The following RPS6KB1 variants were observed in gnomAD, a reference collection of about 807,000 sequenced individuals.
The protein encoded by RPS6KB1 is ribosomal protein S6 kinase B1.
In RPS6KB1, 12 loss-of-function variants were observed where a neutral mutation model predicts 70.2. That is an observed-to-expected ratio of 0.17 (90% CI 0.11 to 0.28). The LOEUF (loss-of-function observed/expected upper bound fraction) is 0.28. RPS6KB1 is among the 10% of genes least tolerant of loss of function. The pLI is 1.00. For synonymous variants in RPS6KB1, 175 were observed against 211.2 expected (o/e 0.83, Z 1.49); for missense variants, 270 against 646.6 (o/e 0.42, Z 6.32).
At chr17:59,900,122 A>G (rs1331939083) in intron 1 of RPS6KB1, among the ~76,000 whole-genome samples, 1 of 149,232 alleles carries the variant, frequency 6.7e-6, no homozygotes. Context: ...GCAATGAGCT[A>G]TTATCCTACT....
chr17:59,912,688 A>T lies in RPS6KB1; in HGVS notation c.196A>T (p.Met66Leu). 3.7e-6 allele frequency: 6 copies of T among 1,613,130 alleles called. No homozygotes were observed. The highest frequency in any genetic ancestry group is 4.2e-6 in the Non-Finnish European group (5 of 1,179,364). ...HGGVGPYELG[M>L]EHCEKFEISE... ...TGGTTTTGCTTTTCTTCCCAGTGGC[A>T]TGGAACATTGTGAGAAATTTGAAAT... The change falls in exon 3 of 15, where the codon ATG becomes TTG. Residue 66 changes from methionine (M) to leucine (L), a missense_variant. By Grantham distance (15) the Met-to-Leu change is conservative (BLOSUM62 2). Transcript: ENST00000225577.
intron 10 of RPS6KB1, 146 bp downstream of exon 10, chr17:59,935,446 G>T: frequency 8.0e-6 from 4 of 498,848 alleles, no homozygotes; most frequent in Admixed American, 3.9e-5. Flanking sequence ...GTACAGATTT[G>T]TTTAAAGACT....
chr17:59,922,687 G>A (rs1170311589), intron 4 of RPS6KB1, among the ~76,000 whole-genome samples: 1 of 150,038 alleles, frequency 6.7e-6, no homozygotes, highest in Non-Finnish European at 1.5e-5. Flanking sequence ...TGAGACTACA[G>A]GCGTGCGCCA....
Position 59,940,892 on chromosome 17 carries a change from C to T in RPS6KB1, c.1176C>T (p.Val392=), listed in dbSNP as rs1301033342. 17 of 1,597,150 alleles carry T rather than the reference C, an allele frequency of 1.1e-5. No homozygotes were observed. Among genetic ancestry groups the T allele is most frequent in the Admixed American group, 1.7e-5 (1 of 59,982 alleles). The change falls in exon 13 of 15, where the codon GTC becomes GTT. Residue 392 remains valine (V), a synonymous_variant. Coordinates refer to ENST00000225577, the MANE Select transcript of RPS6KB1 (RefSeq NM_003161.4). ...FDSKFTRQTP[V]DSPDDSTLSE... is the part of the protein sequence containing the mutation. ...CCAAGTTTACACGTCAGACACCTGT[C>T]GACAGCCCAGATGACTCAACTCTCA...
intron 3 of RPS6KB1, among the ~76,000 whole-genome samples, 165 bp downstream of exon 3, chr17:59,912,969 C>T (rs747714782): frequency 5.3e-5 from 8 of 152,170 alleles, no homozygotes; most frequent in Non-Finnish European, 8.8e-5. Flanking sequence ...TCAGTTTTCC[C>T]TTCTTTTCAT....
chr17:59,941,537 C>T (rs1399329038), intron 13 of RPS6KB1, among the ~76,000 whole-genome samples: 1 of 151,968 alleles, frequency 6.6e-6, no homozygotes, highest in African/African-American at 2.4e-5. Flanking sequence ...CTCCTGGACT[C>T]AAGCTATCTT....
chr17:59,900,428 C>T (rs368905717), intron 1 of RPS6KB1, among the ~76,000 whole-genome samples: 4 of 151,938 alleles, frequency 2.6e-5, no homozygotes, highest in African/African-American at 4.8e-5. Context: ...TGCAATGGCG[C>T]GATCTTGGCT....
At chr17:59,941,406 C>G (rs1244265625) in intron 13 of RPS6KB1, among the ~76,000 whole-genome samples, 1 of 150,702 alleles carries the variant, frequency 6.6e-6, no homozygotes, top group Non-Finnish European at 1.5e-5. Flanking sequence ...TTCACTGCAG[C>G]CTTGACCTCC....
chr17:59,927,592 C>T (rs1264218599), intron 5 of RPS6KB1, among the ~76,000 whole-genome samples: 2 of 150,074 alleles, frequency 1.3e-5, no homozygotes, highest in Non-Finnish European at 3.0e-5. Flanking sequence ...CTGCAACTTC[C>T]GCCTCCCAGG....
intron 4 of RPS6KB1, among the ~76,000 whole-genome samples, chr17:59,920,911 C>G (rs535273299): frequency 3.3e-5 from 5 of 152,274 alleles, no homozygotes; most frequent in Admixed American, 2.0e-4. Context: ...GTTGGCCAGG[C>G]TGGTCTCAAA....
intron 4 of RPS6KB1, among the ~76,000 whole-genome samples, chr17:59,922,256 G>T (rs2043309907): frequency 6.6e-6 from 1 of 151,974 alleles, no homozygotes; most frequent in South Asian, 2.1e-4. Flanking sequence ...GGCCAGGCTG[G>T]TCTCAAACTC....
At chr17:59,930,012 G>A in intron 5 of RPS6KB1, 105 bp from the exon 6 acceptor site, 1 of 691,056 alleles carries the variant, frequency 1.4e-6, no homozygotes. Context: ...TTAAGGGGCT[G>A]ATGTCTTTTA....
chr17:59,935,084 T>G (rs375873099), intron 9 of RPS6KB1, 109 bp from the exon 10 acceptor site: 3 of 640,044 alleles, frequency 4.7e-6, no homozygotes, highest in East Asian at 2.9e-5. Flanking sequence ...ATTTCTGATC[T>G]CCATGTATAA....
Position 59,940,850 on chromosome 17 carries a change from T to C in RPS6KB1, c.1134T>C (p.Asp378=), listed in dbSNP as rs1439258636. 32 of 1,575,848 alleles carry C rather than the reference T, an allele frequency of 2.0e-5. No homozygotes were observed. Among genetic ancestry groups the C allele is most frequent in the Non-Finnish European group, 2.8e-5 (32 of 1,159,390 alleles). ...PFKPLLQSEE[D]VSQFDSKFTR... is the part of the protein sequence containing the mutation. ...TTTGTATAAAGCAATCTGAAGAGGA[T>C]GTAAGTCAGTTTGATTCCAAGTTTA... Residue 378 remains aspartate (D), a synonymous_variant, in exon 13 of 15, where the codon GAT becomes GAC. Transcript: ENST00000225577.
intron 1 of RPS6KB1, among the ~76,000 whole-genome samples, chr17:59,910,051 G>A (rs1253224248): frequency 1.3e-5 from 2 of 151,732 alleles, no homozygotes; most frequent in Admixed American, 1.3e-4. Flanking sequence ...GCCAAGCATG[G>A]TGGTACATGC....
At chr17:59,899,923 G>C (rs1159893076) in intron 1 of RPS6KB1, among the ~76,000 whole-genome samples, 2 of 151,926 alleles carry the variant, frequency 1.3e-5, no homozygotes. Context: ...CCAGAACTTT[G>C]GGAAGCTAAG....
In RPS6KB1 at chr17:59,912,797, A is replaced by T. The variant is rs1312790624; in HGVS notation, c.305A>T (p.Tyr102Phe). The change falls in exon 3 of 15, where the codon TAT becomes TTT. Residue 102 changes from tyrosine (Y) to phenylalanine (F), a missense_variant. Tyr to Phe is a conservative substitution (Grantham distance 22). This residue lies in a region of RPS6KB1 where 44 missense variants were observed against 102.5 expected (regional missense o/e 0.43). Coordinates refer to ENST00000225577, the MANE Select transcript of RPS6KB1 (RefSeq NM_003161.4). ...ELLRVLGKGG[Y>F]GKVFQVRKVT... ...CTTCGGGTACTTGGTAAAGGGGGCTATGGAAAGGTAGGCAATATTTTTGAA... is the reference window on the plus strand; with the variant it reads ...CTTCGGGTACTTGGTAAAGGGGGCTTTGGAAAGGTAGGCAATATTTTTGAA... The T allele has an allele frequency of 6.2e-7, 1 of 1,613,902 alleles. No individual in the cohort carries two copies. Among genetic ancestry groups the T allele is most frequent in the East Asian group, 2.2e-5 (1 of 44,848 alleles).
chr17:59,943,918 A>G (rs1392024175), intron 13 of RPS6KB1, among the ~76,000 whole-genome samples: 1 of 141,644 alleles, frequency 7.1e-6, no homozygotes, highest in Non-Finnish European at 1.5e-5. Flanking sequence ...ACATATATAT[A>G]TATACACACA....
At chr17:59,906,031 A>G (rs1461718968) in intron 1 of RPS6KB1, among the ~76,000 whole-genome samples, 2 of 152,160 alleles carry the variant, frequency 1.3e-5, no homozygotes, top group African/African-American at 4.8e-5. Context: ...AGTGTGAAGT[A>G]GCATATAGAT....
Sources: gnomAD v4.1 joint callset for allele counts (sites outside exome capture counted in the v4.1 genomes callset) on GRCh38, gnomAD v4.1.1 for gene constraint, gnomAD v4.1.1 regional missense constraint, MANE v1.5 for transcripts, NCBI Gene and HGNC (gene_info 2026-07-23, HGNC 2026-07-21) for gene names.